The following RTF1 variants were observed in gnomAD, a reference collection of about 807,000 sequenced individuals.
RTF1 encodes the protein RTF1 homolog, Paf1/RNA polymerase II complex component.
Under a neutral mutation model 95.7 loss-of-function variants are expected in RTF1, and 10 were observed. That is an observed-to-expected ratio of 0.10 (90% CI 0.06 to 0.18). The LOEUF (loss-of-function observed/expected upper bound fraction) is 0.18, where lower values mean the gene tolerates loss of function less well. Among genes scored for constraint, RTF1 ranks in the 10% least tolerant of loss-of-function variants. The pLI, the probability that RTF1 is intolerant of heterozygous loss-of-function variation, is 1.00. For synonymous variants in RTF1, 305 were observed against 311.8 expected (o/e 0.98, Z 0.23); for missense variants, 458 against 875.6 (o/e 0.52, Z 6.02).
intron 1 of RTF1, among the ~76,000 whole-genome samples, chr15:41,422,799 G>T (rs1293543745): frequency 6.6e-6 from 1 of 151,768 alleles, no homozygotes; most frequent in Non-Finnish European, 1.5e-5. Context: ...TTTTTGAGAC[G>T]GAGTCTCGCT....
intron 15 of RTF1, 96 bp from the exon 16 acceptor site, chr15:41,479,007 G>C: frequency 1.2e-6 from 1 of 800,386 alleles, no homozygotes; most frequent in Non-Finnish European, 2.1e-6. Context: ...GTCGGCTGTG[G>C]TGCTTGTGAT....
At chr15:41,470,894 G>A (rs1429031951) in intron 7 of RTF1, among the ~76,000 whole-genome samples, 1 of 152,006 alleles carries the variant, frequency 6.6e-6, no homozygotes, top group Non-Finnish European at 1.5e-5. Context: ...TCCTGACCTC[G>A]TGATCCGCCC....
At chr15:41,430,879 G>A (rs926005397) in intron 1 of RTF1, among the ~76,000 whole-genome samples, 1 of 152,104 alleles carries the variant, frequency 6.6e-6, no homozygotes, top group Non-Finnish European at 1.5e-5. Flanking sequence ...AGTCTTTGCT[G>A]TCTCCATACT....
intron 5 of RTF1, among the ~76,000 whole-genome samples, chr15:41,465,546 C>A (rs967437263): frequency 6.6e-6 from 1 of 152,008 alleles, no homozygotes; most frequent in African/African-American, 2.4e-5. Context: ...GGGGCTGAGG[C>A]ACAAGAATTG....
chr15:41,466,024 C>CT lies in RTF1; in HGVS notation c.778-116dup, dbSNP rs919927191. On this transcript the variant is annotated intron_variant, in intron 5 of 17. Coordinates refer to ENST00000389629, the MANE Select transcript of RTF1 (RefSeq NM_015138.5). ...TGCTCTCTCCCCTTACATAAAAGCT[C>CT]TAAGTTTTTGCAGCCCATATAGATT... The CT allele has an allele frequency of 2.2e-5, 13 of 604,166 alleles. No individual in the cohort carries two copies. The East Asian group carries it at 2.9e-4, about 13-fold the overall frequency. 37.4% of individuals were successfully genotyped at this position (604,166 alleles called of 1,614,324 possible).
Position 41,477,179 on chromosome 15 carries a change from C to T in RTF1, c.1575C>T (p.Asp525=). The change falls in exon 13 of 18, where the codon GAC becomes GAT. Residue 525 remains aspartate, a synonymous_variant. Coordinates refer to ENST00000389629, the MANE Select transcript of RTF1 (RefSeq NM_015138.5). The part of the protein sequence containing the change: ...QLLKEKAMAE[D]LGDQDKAKQI... The stretch of plus-strand genomic sequence containing the variant: ...TCTATGTGTAGGCCATGGCTGAGGA[C>T]CTGGGGGATCAGGACAAGGCCAAAC... 1 of 1,614,186 alleles carries T rather than the reference C, an allele frequency of 6.2e-7. No homozygotes were observed. The highest frequency in any genetic ancestry group is 8.5e-7 in the Non-Finnish European group (1 of 1,180,042).
Position 41,443,363 on chromosome 15 carries a change from A to C in RTF1, c.309+4932A>C, listed in dbSNP as rs75031714. On this transcript the variant is annotated intron_variant, in intron 2 of 17. Coordinates refer to ENST00000389629, the MANE Select transcript of RTF1 (RefSeq NM_015138.5). ...TTGTCCTATTATTTTTAGTGATTGA[A>C]TTATTCTCGATATCTGGAGGCACAT... Among the ~76,000 whole-genome samples the C allele has an allele frequency of 5.8e-3, 882 of 152,266 alleles. 11 individuals carry two copies. The highest frequency in any genetic ancestry group is 0.02 in the African/African-American group (836 of 41,568).
chr15:41,439,586 T>G (rs1162576374), intron 2 of RTF1, among the ~76,000 whole-genome samples: 1 of 152,184 alleles, frequency 6.6e-6, no homozygotes, highest in Admixed American at 6.6e-5. Context: ...AAAACCTTAA[T>G]GGAAGACAGG....
intron 2 of RTF1, among the ~76,000 whole-genome samples, chr15:41,444,944 T>A (rs1324368393): frequency 6.6e-6 from 1 of 152,066 alleles, no homozygotes; most frequent in Non-Finnish European, 1.5e-5. Flanking sequence ...ATTTATTTAT[T>A]TTTTTGAGAC....
chr15:41,432,893 G>A (rs918365683), intron 1 of RTF1, among the ~76,000 whole-genome samples: 2 of 150,688 alleles, frequency 1.3e-5, no homozygotes, highest in African/African-American at 4.9e-5. Context: ...AGCCGGGATC[G>A]CACCATTGCA....
intron 2 of RTF1, among the ~76,000 whole-genome samples, chr15:41,441,251 G>A (rs577331071): frequency 1.3e-3 from 204 of 152,216 alleles, no homozygotes; most frequent in African/African-American, 4.3e-3. Context: ...GATTACAGGC[G>A]TGAGCCACCA....
intron 7 of RTF1, among the ~76,000 whole-genome samples, chr15:41,470,654 T>C (rs994577674): frequency 1.6e-5 from 2 of 125,584 alleles, no homozygotes; most frequent in African/African-American, 3.3e-5. Flanking sequence ...CATTTTCTTT[T>C]TTTTTTTTTT....
rs747675564 is a variant in RTF1, at chr15:41,474,393, C to T, written c.1204-227C>T. The stretch of plus-strand genomic sequence containing the variant: ...AGGAAAAGCTTCCAGTGGGCCCCAT[C>T]GGGCTCCTCTTCTGCTGGCACTTTC... On this transcript the variant is annotated intron_variant, in intron 8 of 17. Coordinates refer to ENST00000389629, the MANE Select transcript of RTF1 (RefSeq NM_015138.5). Among the ~76,000 whole-genome samples, 8 of 152,294 alleles carry T rather than the reference C, an allele frequency of 5.3e-5. No individual in the cohort carries two copies. In the East Asian group the frequency reaches 5.8e-4, roughly 11 times the overall value.
At chr15:41,471,425 A>G in intron 8 of RTF1, 76 bp downstream of exon 8, 2 of 1,434,396 alleles carry the variant, frequency 1.4e-6, no homozygotes, top group South Asian at 2.7e-5. Flanking sequence ...GAGCTACTGA[A>G]AAAATCGATC....
At chr15:41,422,583 G>A (rs1476733987) in intron 1 of RTF1, among the ~76,000 whole-genome samples, 2 of 152,018 alleles carry the variant, frequency 1.3e-5, no homozygotes, top group African/African-American at 2.4e-5. Context: ...GTACAACTCC[G>A]TATTTATAAA....
At chr15:41,452,061 T>G (rs900126331) in intron 2 of RTF1, among the ~76,000 whole-genome samples, 1 of 152,016 alleles carries the variant, frequency 6.6e-6, no homozygotes, top group Non-Finnish European at 1.5e-5. Context: ...ATAATTAAAT[T>G]ATATGTTTAT....
At chr15:41,425,956 G>A (rs1019741849) in intron 1 of RTF1, among the ~76,000 whole-genome samples, 5 of 152,122 alleles carry the variant, frequency 3.3e-5, no homozygotes, top group African/African-American at 1.2e-4. Flanking sequence ...ACTATGAGAT[G>A]TCTAAGTGGA....
At chr15:41,467,253 C>T (rs1186057337) in intron 6 of RTF1, among the ~76,000 whole-genome samples, 2 of 152,024 alleles carry the variant, frequency 1.3e-5, no homozygotes, top group South Asian at 2.1e-4. Context: ...CAGTAAACCC[C>T]GAGCACTTTT....
At chr15:41,476,391 G>C (rs2050941964) in intron 11 of RTF1, 55 bp from the exon 12 acceptor site, 1 of 1,496,608 alleles carries the variant, frequency 6.7e-7, no homozygotes, top group Admixed American at 1.7e-5. Flanking sequence ...CACTTAGCCT[G>C]TCTACAAAAA....
Sources: allele counts gnomAD v4.1 joint callset (sites outside exome capture counted in the v4.1 genomes callset), GRCh38; gene constraint gnomAD v4.1.1; transcripts MANE v1.5; gene names NCBI Gene and HGNC (gene_info 2026-07-23, HGNC 2026-07-21).